Variants in ZNF704 observed in about 807,000 individuals in gnomAD.
ZNF704 encodes glucocorticoid induced gene 1.
Under a neutral mutation model 44.7 loss-of-function variants are expected in ZNF704, and 10 were observed. The ratio of observed to expected loss-of-function variants is 0.22; its 90% CI spans 0.14 to 0.38. The LOEUF is 0.38. Ranked by LOEUF, ZNF704 falls within the 10% of genes least tolerant of loss-of-function variation. The probability of loss-of-function intolerance (pLI) is 1.00; values close to 1 mark genes in which losing one functional copy is unlikely to be tolerated. For synonymous variants in ZNF704, 211 were observed against 207.6 expected (o/e 1.02, Z -0.14); for missense variants, 390 against 545.5 (o/e 0.71, Z 2.84).
intron 2 of ZNF704, among the ~76,000 whole-genome samples, chr8:80,782,867 T>C (rs1194970594): frequency 6.6e-6 from 1 of 151,926 alleles, no homozygotes; most frequent in Non-Finnish European, 1.5e-5. Flanking sequence ...ATCCCGTGAA[T>C]ACTGTATTTT....
At chr8:80,824,425 T>C (rs886889001) in intron 1 of ZNF704, among the ~76,000 whole-genome samples, 2 of 152,190 alleles carry the variant, frequency 1.3e-5, no homozygotes, top group East Asian at 1.9e-4. Context: ...TATGGGACTA[T>C]GTGAAAAGAC....
chr8:80,654,277 T>C (rs1817971986), intron 7 of ZNF704, among the ~76,000 whole-genome samples: 3 of 152,218 alleles, frequency 2.0e-5, no homozygotes, highest in Non-Finnish European at 4.4e-5. Flanking sequence ...GACATAGGCA[T>C]GGACAAGGAC....
At chr8:80,750,096 C>A (rs373533157) in intron 2 of ZNF704, among the ~76,000 whole-genome samples, 2 of 152,142 alleles carry the variant, frequency 1.3e-5, no homozygotes, top group African/African-American at 4.8e-5. Context: ...CAAGTGGTAT[C>A]AGGCCAGGAG....
chr8:80,763,809 G>A (rs544720429), intron 2 of ZNF704, among the ~76,000 whole-genome samples: 3 of 152,226 alleles, frequency 2.0e-5, no homozygotes, highest in African/African-American at 7.2e-5. Context: ...TGAATGCTTT[G>A]CTGCTCAGAA....
At chr8:80,877,589 A>G (rs778106757), upstream of ZNF704, among the ~76,000 whole-genome samples, 2 of 152,302 alleles carry the variant, frequency 1.3e-5, no homozygotes, top group East Asian at 3.9e-4. Context: ...AGCGCTTGCC[A>G]CTCAGAATGA....
chr8:80,845,782 G>C (rs1016041459), intron 1 of ZNF704, among the ~76,000 whole-genome samples: 1 of 152,150 alleles, frequency 6.6e-6, no homozygotes, highest in African/African-American at 2.4e-5. Context: ...CTTGAGCGAT[G>C]CAAGAGTCCC....
chr8:80,643,516 CAAAAAAAAA>C (rs1174433192), intron 7 of ZNF704, among the ~76,000 whole-genome samples: 4 of 23,392 alleles, frequency 1.7e-4, no homozygotes, highest in Admixed American at 5.7e-4. Flanking sequence ...GATCCTGTCT[CAAAAAAAAA>C]AAAAAAAAAA....
intron 2 of ZNF704, among the ~76,000 whole-genome samples, chr8:80,721,808 G>A (rs1819171321): frequency 6.6e-6 from 1 of 152,094 alleles, no homozygotes; most frequent in African/African-American, 2.4e-5. Flanking sequence ...AACCAAAAAA[G>A]CTATTAAAGA....
At chr8:80,653,189 A>G (rs1253871530) in intron 7 of ZNF704, among the ~76,000 whole-genome samples, 2 of 152,248 alleles carry the variant, frequency 1.3e-5, no homozygotes, top group African/African-American at 2.4e-5. Flanking sequence ...AGAGCTATCT[A>G]TGGCAAACCC....
chr8:80,669,812 C>T (rs369317438), intron 5 of ZNF704, among the ~76,000 whole-genome samples: 27 of 152,268 alleles, frequency 1.8e-4, no homozygotes, highest in South Asian at 8.3e-4. Context: ...ACAAGACTGA[C>T]GGAATACCAC....
chr8:80,867,604 T>TAGGA (rs1809178048), intron 1 of ZNF704, among the ~76,000 whole-genome samples: 1 of 152,156 alleles, frequency 6.6e-6, no homozygotes, highest in Non-Finnish European at 1.5e-5. Flanking sequence ...AGTCCACGAT[T>TAGGA]CAATGAATGA....
At chr8:80,839,012 C>T (rs1157139) in intron 1 of ZNF704, among the ~76,000 whole-genome samples, 16,473 of 152,256 alleles carry the variant, frequency 0.11, 1,112 homozygotes, top group East Asian at 0.22. Context: ...TGCAGAGTTC[C>T]GGCCCAGAGG....
rs139854518 is a variant in ZNF704 at position 80,647,679 on chromosome 8, G to A, written c.1033-4550C>T. On this transcript the variant is annotated intron_variant, in intron 7 of 8. Transcript: ENST00000327835. ...CAGCCTAGGACTTGTGGGTTAGGAT[G>A]GGGCACAAAGAAAATTGCATCTCTA... Among the ~76,000 whole-genome samples, 111 of 152,246 alleles carry A rather than the reference G, an allele frequency of 7.3e-4. No homozygotes were observed. The East Asian group carries it at 0.016, about 23-fold the overall frequency.
chr8:80,715,090 T>C (rs1007960562), intron 2 of ZNF704, among the ~76,000 whole-genome samples: 2 of 152,190 alleles, frequency 1.3e-5, no homozygotes, highest in Admixed American at 1.3e-4. Flanking sequence ...CAAATAACTA[T>C]ACTCTGCATT....
chr8:80,746,554 C>A (rs1806847749), intron 2 of ZNF704, among the ~76,000 whole-genome samples: 1 of 152,154 alleles, frequency 6.6e-6, no homozygotes. Context: ...CTCATTTTTG[C>A]CTCCAACAGT....
chr8:80,637,051 G>A lies in ZNF704; in HGVS notation c.*4315C>T, dbSNP rs1312917475. On this transcript the variant is annotated 3_prime_UTR_variant, in exon 9 of 9. Coordinates refer to ENST00000327835, the MANE Select transcript of ZNF704 (RefSeq NM_001033723.3). ...AGTCTAGGAATACCACCCCCACCCC[G>A]TCCCCCTCCCCCACCCCCAGGCATT... The A allele has an allele frequency of 1.0e-4, 5 of 48,916 alleles. No individual in the cohort carries two copies. The highest frequency in any genetic ancestry group is 1.1e-3 in the East Asian group (2 of 1,888). The allele number at this position is 48,916 out of a possible 1,614,324, so 3.0% of individuals were successfully genotyped here.
At chr8:80,864,200 T>G (rs532718980) in intron 1 of ZNF704, among the ~76,000 whole-genome samples, 1 of 152,294 alleles carries the variant, frequency 6.6e-6, no homozygotes, top group African/African-American at 2.4e-5. Flanking sequence ...CTACAACACT[T>G]TAACTCTCCC....
At chr8:80,734,235 C>T (rs1806628358) in intron 2 of ZNF704, among the ~76,000 whole-genome samples, 1 of 152,188 alleles carries the variant, frequency 6.6e-6, no homozygotes. Context: ...GACACAGACT[C>T]CAGTTCTGTG....
intron 1 of ZNF704, among the ~76,000 whole-genome samples, chr8:80,842,645 G>C (rs545685381): frequency 1.7e-4 from 26 of 152,304 alleles, no homozygotes; most frequent in African/African-American, 6.0e-4. Flanking sequence ...ACCAGGAAGA[G>C]AGAATGAAAC....
Sources: allele counts gnomAD v4.1 joint callset (sites outside exome capture counted in the v4.1 genomes callset), GRCh38; gene constraint gnomAD v4.1.1; transcripts MANE v1.5; gene names NCBI Gene and HGNC (gene_info 2026-07-23, HGNC 2026-07-21).